The following CSMD1 variants were observed in gnomAD, a reference collection of about 807,000 sequenced individuals.
CSMD1 encodes the protein CUB and sushi domain-containing protein 1.
CSMD1 carries 213 observed loss-of-function variants against 417.5 expected under a neutral mutation model. The ratio of observed to expected loss-of-function variants is 0.51; its 90% CI spans 0.46 to 0.57. The LOEUF (loss-of-function observed/expected upper bound fraction) is 0.57, where lower values mean the gene tolerates loss of function less well. Ranked by LOEUF, CSMD1 falls within the 20% of genes least tolerant of loss-of-function variation. CSMD1 has a pLI of 0.00. For missense variants in CSMD1, 6,923 were observed against 4,529.7 expected, an observed-to-expected ratio of 1.53 and a Z score of -15.17; for synonymous variants, 2,862 against 1,736.8, an observed-to-expected ratio of 1.65 and a Z score of -16.11.
At chr8:3,619,361 T>C (rs1292387880) in intron 7 of CSMD1, among the ~76,000 whole-genome samples, 1 of 142,692 alleles carries the variant, frequency 7.0e-6, no homozygotes, top group African/African-American at 2.6e-5. Context: ...GCACGGTAGT[T>C]AATTTTTTTC....
At chr8:4,766,579 C>A (rs1812480417) in intron 1 of CSMD1, among the ~76,000 whole-genome samples, 1 of 152,208 alleles carries the variant, frequency 6.6e-6, no homozygotes, top group African/African-American at 2.4e-5. Context: ...TCTTGCCCAA[C>A]ATGCAGCAGG....
At chr8:4,190,169 G>C (rs938860909) in intron 3 of CSMD1, among the ~76,000 whole-genome samples, 2 of 148,030 alleles carry the variant, frequency 1.4e-5, no homozygotes, top group Admixed American at 1.4e-4. Context: ...TGAGGCAAGA[G>C]AATGGCGTGA....
intron 1 of CSMD1, among the ~76,000 whole-genome samples, chr8:4,877,033 G>A (rs532729080): frequency 6.6e-6 from 1 of 151,892 alleles, no homozygotes; most frequent in South Asian, 2.1e-4. Flanking sequence ...AAAAATAAAA[G>A]GCATCCTCCT....
intron 3 of CSMD1, among the ~76,000 whole-genome samples, chr8:4,128,650 T>G (rs368083496): frequency 3.3e-5 from 5 of 152,138 alleles, no homozygotes; most frequent in African/African-American, 9.7e-5. Context: ...GCTCTCCACA[T>G]GGAAATATGT....
At chr8:3,569,806 C>G (rs1416916551) in intron 10 of CSMD1, among the ~76,000 whole-genome samples, 2 of 152,022 alleles carry the variant, frequency 1.3e-5, no homozygotes, top group African/African-American at 4.8e-5. Flanking sequence ...ATTGAGATGC[C>G]TTCAGGTGTC....
chr8:3,855,445 A>G (rs543770018), intron 5 of CSMD1, among the ~76,000 whole-genome samples: 5 of 152,350 alleles, frequency 3.3e-5, no homozygotes, highest in African/African-American at 1.2e-4. Flanking sequence ...TTTAAATATC[A>G]GAAATTCTAT....
intron 6 of CSMD1, among the ~76,000 whole-genome samples, chr8:3,720,365 C>A (rs910645509): frequency 2.6e-5 from 4 of 152,236 alleles, no homozygotes; most frequent in African/African-American, 9.6e-5. Context: ...GATACTGCTT[C>A]TGCCTTTTCT....
rs759586231 is a variant in CSMD1 at position 3,359,166 on chromosome 8, A to G, written c.3290T>C (p.Leu1097Pro). ...GGGRRVWSAPLPRCVAECGAS... is the reference protein window; with the variant it reads ...GGGRRVWSAPPPRCVAECGAS... ...TGACCACCTACCCACACACCTTGGC[A>G]GAGGTGCACTCCACACACGGCGGCC... Residue 1097 changes from leucine (L) to proline (P), a missense_variant, in exon 21 of 70, where the codon CTG (leucine) becomes CCG (proline). By Grantham distance (98) the Leu-to-Pro change is moderately conservative (BLOSUM62 -3). Coordinates refer to ENST00000635120, the MANE Select transcript of CSMD1 (RefSeq NM_033225.6). The G allele has an allele frequency of 6.2e-7, 1 of 1,614,028 alleles. No homozygotes were observed. Among genetic ancestry groups the G allele is most frequent in the Non-Finnish European group, 8.5e-7 (1 of 1,179,960 alleles).
chr8:3,546,524 G>C (rs938947800), intron 10 of CSMD1, among the ~76,000 whole-genome samples: 5 of 146,624 alleles, frequency 3.4e-5, no homozygotes, highest in East Asian at 2.0e-4. Context: ...GACAGAGTGA[G>C]ACTCCAAAAA....
chr8:4,070,906 C>A (rs1349198389), intron 3 of CSMD1, among the ~76,000 whole-genome samples: 1 of 152,182 alleles, frequency 6.6e-6, no homozygotes, highest in Non-Finnish European at 1.5e-5. Flanking sequence ...GCTTTTAGCA[C>A]TTTAATGATG....
Position 4,005,598 on chromosome 8 carries a change from G to C in CSMD1, c.611-7488C>G, listed in dbSNP as rs542139114. ...AGGACGTTCCACATGGTATTATAAG[G>C]TTTGCAGTCATAAATTCACTCTCAA... On this transcript the variant is annotated intron_variant, in intron 4 of 69. Coordinates refer to ENST00000635120, the MANE Select transcript of CSMD1 (RefSeq NM_033225.6). 2.0e-5 allele frequency among the ~76,000 whole-genome samples: 3 copies of C among 152,252 alleles called. 1 individual carries two copies. The highest frequency in any genetic ancestry group is 7.2e-5 in the African/African-American group (3 of 41,552).
intron 10 of CSMD1, among the ~76,000 whole-genome samples, chr8:3,503,654 C>T (rs993216599): frequency 6.6e-6 from 1 of 152,186 alleles, no homozygotes; most frequent in African/African-American, 2.4e-5. Flanking sequence ...TGCCCTGCTA[C>T]AGAGAGAATT....
In CSMD1 at chr8:4,689,505, T is replaced by A. The variant is rs1584948516; in HGVS notation, c.86-51947A>T. Among the ~76,000 whole-genome samples the A allele has an allele frequency of 3.9e-5, 6 of 152,334 alleles. 1 individual carries two copies. The highest frequency in any genetic ancestry group is 3.9e-4 in the Admixed American group (6 of 15,302). On this transcript the variant is annotated intron_variant, in intron 1 of 69. Transcript: ENST00000635120. ...TTTTCTTTATGACGTATTTCTTGGA[T>A]AACTTCTCAGAGAAGTTTTAAAGTA... is the stretch of plus-strand genomic sequence containing the variant.
intron 3 of CSMD1, among the ~76,000 whole-genome samples, chr8:4,056,576 G>C (rs967394476): frequency 4.0e-5 from 6 of 151,748 alleles, no homozygotes; most frequent in South Asian, 2.1e-4. Flanking sequence ...GGGTACATGT[G>C]CACAATGTGC....
intron 4 of CSMD1, among the ~76,000 whole-genome samples, chr8:3,998,588 A>T (rs1017637080): frequency 6.6e-5 from 10 of 152,316 alleles, no homozygotes; most frequent in Middle Eastern, 3.4e-3. Context: ...TTGGGTTTTG[A>T]ATTTCAGATA....
intron 12 of CSMD1, among the ~76,000 whole-genome samples, chr8:3,431,707 G>C (rs1050297446): frequency 2.6e-5 from 4 of 152,112 alleles, no homozygotes; most frequent in Non-Finnish European, 5.9e-5. Flanking sequence ...AAAATTAAGA[G>C]GAAACACATC....
intron 37 of CSMD1, among the ~76,000 whole-genome samples, chr8:3,173,798 T>C (rs146608178): frequency 3.8e-4 from 58 of 152,274 alleles, no homozygotes; most frequent in African/African-American, 1.3e-3. Context: ...CTCTCCTCAG[T>C]AGTGTTAATG....
intron 3 of CSMD1, among the ~76,000 whole-genome samples, chr8:4,189,882 G>T (rs1483141578): frequency 6.6e-6 from 1 of 151,870 alleles, no homozygotes; most frequent in Non-Finnish European, 1.5e-5. Context: ...ACATAGCCTT[G>T]AATCATTTCT....
At chr8:3,448,169 T>C (rs1042871840) in intron 12 of CSMD1, among the ~76,000 whole-genome samples, 6 of 149,580 alleles carry the variant, frequency 4.0e-5, no homozygotes, top group African/African-American at 1.5e-4. Flanking sequence ...ATTGGGGGAG[T>C]AGATAGTGAA....
Sources: gnomAD v4.1 joint callset for allele counts (sites outside exome capture counted in the v4.1 genomes callset) on GRCh38, gnomAD v4.1.1 for gene constraint, MANE v1.5 for transcripts, NCBI Gene and HGNC (gene_info 2026-07-23, HGNC 2026-07-21) for gene names.